Variants in CSMD1 observed in about 807,000 individuals in gnomAD.
The protein encoded by CSMD1 is CUB and sushi domain-containing protein 1.
Under a neutral mutation model 417.5 loss-of-function variants are expected in CSMD1, and 213 were observed. The observed-to-expected ratio is 0.51, with a 90% CI of 0.46 to 0.57. The LOEUF (loss-of-function observed/expected upper bound fraction) is 0.57. Among genes scored for constraint, CSMD1 ranks in the 20% least tolerant of loss-of-function variants. CSMD1 has a pLI of 0.00. For missense variants in CSMD1, 6,923 were observed against 4,529.7 expected (o/e 1.53, Z -15.17); for synonymous variants, 2,862 against 1,736.8 (o/e 1.65, Z -16.11).
chr8:4,757,593 G>C (rs922651161), intron 1 of CSMD1, among the ~76,000 whole-genome samples: 13 of 152,172 alleles, frequency 8.5e-5, no homozygotes, highest in Middle Eastern at 3.2e-3. Context: ...GCCTACAGGA[G>C]ACATATCTCT....
chr8:3,389,105 G>C (rs189544306), intron 17 of CSMD1, among the ~76,000 whole-genome samples: 3 of 152,094 alleles, frequency 2.0e-5, no homozygotes, highest in South Asian at 2.1e-4. Context: ...ATGATTTTTT[G>C]TTGTTGTTGT....
intron 10 of CSMD1, among the ~76,000 whole-genome samples, chr8:3,520,392 T>C (rs1171899954): frequency 6.6e-6 from 1 of 152,066 alleles, no homozygotes; most frequent in Non-Finnish European, 1.5e-5. Flanking sequence ...ACTTCAACCA[T>C]AAAAAGTATA....
At chr8:3,675,178 T>G (rs908699544) in intron 7 of CSMD1, among the ~76,000 whole-genome samples, 3 of 152,162 alleles carry the variant, frequency 2.0e-5, no homozygotes, top group Admixed American at 1.3e-4. Flanking sequence ...TCCCCACTAG[T>G]GGCTCCTTTT....
At chr8:3,069,126 G>A (rs767135749) in intron 49 of CSMD1, among the ~76,000 whole-genome samples, 1 of 152,060 alleles carries the variant, frequency 6.6e-6, no homozygotes, top group Non-Finnish European at 1.5e-5. Context: ...ATTCCAATAG[G>A]GAGAAATTGG....
chr8:4,446,717 T>TTG (rs147599017), intron 2 of CSMD1, among the ~76,000 whole-genome samples: 69 of 144,556 alleles, frequency 4.8e-4, no homozygotes, highest in Middle Eastern at 6.8e-3. Flanking sequence ...CATGCCTGAG[T>TTG]TGTGTGTGTG....
At chr8:4,030,506 C>G (rs907670996) in intron 4 of CSMD1, among the ~76,000 whole-genome samples, 2 of 152,152 alleles carry the variant, frequency 1.3e-5, no homozygotes, top group African/African-American at 2.4e-5. Context: ...AGCTGGGATG[C>G]AGGGCACCAA....
intron 1 of CSMD1, among the ~76,000 whole-genome samples, chr8:4,945,694 C>A (rs1044697138): frequency 3.3e-5 from 5 of 151,950 alleles, no homozygotes; most frequent in Admixed American, 3.3e-4. Flanking sequence ...TTGGCATTAA[C>A]AAAGACAAAG....
chr8:4,673,493 C>T (rs564929909), intron 1 of CSMD1, among the ~76,000 whole-genome samples: 12 of 152,078 alleles, frequency 7.9e-5, no homozygotes, highest in Non-Finnish European at 1.5e-4. Context: ...GAAATGATTG[C>T]TATGTGTTTT....
intron 3 of CSMD1, among the ~76,000 whole-genome samples, chr8:4,056,396 T>C: frequency 7.0e-6 from 1 of 143,094 alleles, no homozygotes; most frequent in South Asian, 2.1e-4. Context: ...TTGGTGAATT[T>C]CTTTTTTTTT....
intron 12 of CSMD1, among the ~76,000 whole-genome samples, chr8:3,414,313 ATTGT>A (rs1022841397): frequency 3.3e-5 from 5 of 151,416 alleles, no homozygotes; most frequent in African/African-American, 9.7e-5. Flanking sequence ...TACGGAAAAT[ATTGT>A]TTAAGGATCA....
chr8:4,181,227 A>G (rs551671914), intron 3 of CSMD1, among the ~76,000 whole-genome samples: 1 of 152,296 alleles, frequency 6.6e-6, no homozygotes, highest in Non-Finnish European at 1.5e-5. Flanking sequence ...TAAATTTGGT[A>G]CTTATTATCT....
At chr8:3,507,197 T>C (rs1796862979) in intron 10 of CSMD1, among the ~76,000 whole-genome samples, 3 of 152,206 alleles carry the variant, frequency 2.0e-5, no homozygotes, top group Admixed American at 6.5e-5. Context: ...TGAATCATCA[T>C]GAAATCTATT....
intron 1 of CSMD1, among the ~76,000 whole-genome samples, chr8:4,707,950 G>C (rs1286893720): frequency 7.0e-6 from 1 of 143,016 alleles, no homozygotes; most frequent in Non-Finnish European, 1.5e-5. Context: ...AAGTTTCCGT[G>C]TGATTATTGT....
intron 1 of CSMD1, among the ~76,000 whole-genome samples, chr8:4,742,003 T>C (rs1378602773): frequency 1.3e-4 from 1 of 7,800 alleles, no homozygotes; most frequent in Non-Finnish European, 2.5e-4. Flanking sequence ...ACACCCACTT[T>C]TTTTTTTTTT....
intron 40 of CSMD1, among the ~76,000 whole-genome samples, chr8:3,143,485 T>C (rs886257105): frequency 5.9e-5 from 9 of 152,238 alleles, no homozygotes; most frequent in African/African-American, 2.2e-4. Context: ...GCTGATAATT[T>C]AAAAGGAAAC....
rs145241337 is a variant in CSMD1, at chr8:4,229,885, G to C, written c.415+190068C>G. On this transcript the variant is annotated intron_variant, in intron 3 of 69. Transcript: ENST00000635120. ...GTTCTGCCCCAGTGTTGAAATCTGT[G>C]TATCGCTTTGAGTGATACTCAATAA... is the stretch of plus-strand genomic sequence containing the variant. Among the ~76,000 whole-genome samples, 4 of 152,262 alleles carry C rather than the reference G, an allele frequency of 2.6e-5. No homozygotes were observed. The South Asian group carries it at 8.3e-4, about 32-fold the overall frequency.
At chr8:3,468,660 C>A (rs1218037831) in intron 12 of CSMD1, 52 bp downstream of exon 12, 8 of 1,124,520 alleles carry the variant, frequency 7.1e-6, no homozygotes, top group Non-Finnish European at 1.0e-5. Flanking sequence ...ATGCTCTCTG[C>A]CCTCTCTTGG....
chr8:4,078,900 T>A (rs1327685512), intron 3 of CSMD1, among the ~76,000 whole-genome samples: 38 of 13,298 alleles, frequency 2.9e-3, no homozygotes, highest in African/African-American at 5.5e-3. Context: ...ATAATAAATA[T>A]ATATATATAT....
At chr8:4,378,987 C>G (rs58426024) in intron 3 of CSMD1, among the ~76,000 whole-genome samples, 47,395 of 151,970 alleles carry the variant, frequency 0.31, 7,473 homozygotes, top group Middle Eastern at 0.38. Flanking sequence ...GTAATCACAG[C>G]TCAGATGGAT....
Sources: gnomAD v4.1 joint callset for allele counts (sites outside exome capture counted in the v4.1 genomes callset) on GRCh38, gnomAD v4.1.1 for gene constraint, MANE v1.5 for transcripts, NCBI Gene and HGNC (gene_info 2026-07-23, HGNC 2026-07-21) for gene names.